NAALADL2: variants seen among roughly 807,000 people sequenced by gnomAD.
NAALADL2 encodes the protein inactive N-acetylated-alpha-linked acidic dipeptidase-like protein 2.
Under a neutral mutation model 87.2 loss-of-function variants are expected in NAALADL2, and 76 were observed. The observed-to-expected ratio is 0.87, with a 90% CI of 0.72 to 1.05. The LOEUF is 1.05. NAALADL2 is among the 50% of genes least tolerant of loss of function. The probability of loss-of-function intolerance (pLI) is 0.00; values close to 1 mark genes in which losing one functional copy is unlikely to be tolerated. For missense variants in NAALADL2, 1,089 were observed against 945.8 expected, an observed-to-expected ratio of 1.15 and a Z score of -1.99; for synonymous variants, 354 against 331.0, an observed-to-expected ratio of 1.07 and a Z score of -0.75.
Position 175,467,137 on chromosome 3 carries a change from T to G in NAALADL2, c.1486T>G (p.Trp496Gly). ...AGACCGAACTATTGTTTTCTGTTCT[T>G]GGGGAGGAACAGCTTTTGGCAATAT... Reference protein sequence around the residue: ...RPDRTIVFCSWGGTAFGNIGS... With the variant: ...RPDRTIVFCSGGGTAFGNIGS... Residue 496 changes from tryptophan (W) to glycine (G), a missense_variant, in exon 8 of 14, where the codon TGG becomes GGG. Physicochemically the swap from Trp to Gly is radical, Grantham distance 184. Coordinates refer to ENST00000454872, the MANE Select transcript of NAALADL2 (RefSeq NM_207015.3). 6.2e-7 allele frequency: 1 copy of G among 1,613,844 alleles called. No homozygotes were observed.
At chr3:174,904,871 A>C (rs1292046989) in intron 1 of NAALADL2, among the ~76,000 whole-genome samples, 1 of 151,222 alleles carries the variant, frequency 6.6e-6, no homozygotes, top group Non-Finnish European at 1.5e-5. Context: ...ATTATTAAGC[A>C]TTTTTTTTCT....
At chr3:175,465,109 G>A (rs1043040174) in intron 7 of NAALADL2, among the ~76,000 whole-genome samples, 12 of 151,830 alleles carry the variant, frequency 7.9e-5, no homozygotes, top group African/African-American at 9.7e-5. Context: ...TTAATTAGCC[G>A]GGCATGGTGG....
At chr3:174,836,779 A>G (rs1354468706) in intron 3 of NAALADL2, among the ~76,000 whole-genome samples, 1 of 151,960 alleles carries the variant, frequency 6.6e-6, no homozygotes, top group African/African-American at 2.4e-5. Context: ...TACCACAATT[A>G]AAAATTATTT....
At chr3:174,985,733 A>T (rs1745767405) in intron 1 of NAALADL2, among the ~76,000 whole-genome samples, 1 of 152,088 alleles carries the variant, frequency 6.6e-6, no homozygotes, top group Non-Finnish European at 1.5e-5. Context: ...CGGGATGGTC[A>T]CCTGAGGTCG....
intron 11 of NAALADL2, among the ~76,000 whole-genome samples, chr3:175,686,907 T>C (rs1171546461): frequency 6.6e-6 from 1 of 152,192 alleles, no homozygotes; most frequent in African/African-American, 2.4e-5. Context: ...AGTTATCTTC[T>C]ATGTTTTCTA....
intron 1 of NAALADL2, among the ~76,000 whole-genome samples, chr3:174,473,662 CT>C: frequency 6.6e-6 from 1 of 151,692 alleles, no homozygotes; most frequent in East Asian, 1.9e-4. Context: ...GTTGGAAGGT[CT>C]TTTTTTTCAT....
At chr3:174,546,931 C>T (rs1243889139) in intron 1 of NAALADL2, among the ~76,000 whole-genome samples, 1 of 152,086 alleles carries the variant, frequency 6.6e-6, no homozygotes, top group Non-Finnish European at 1.5e-5. Flanking sequence ...TCTTTGCCTT[C>T]ATGTGTAGTA....
chr3:174,692,147 A>G (rs947523961), intron 2 of NAALADL2: 1 of 152,144 alleles, frequency 6.6e-6, no homozygotes. Flanking sequence ...ACCCAGCTCA[A>G]TCAGAGGAAT....
At chr3:174,745,859 G>A (rs771681924) in intron 3 of NAALADL2, among the ~76,000 whole-genome samples, 1 of 151,892 alleles carries the variant, frequency 6.6e-6, no homozygotes, top group Non-Finnish European at 1.5e-5. Flanking sequence ...TATCTCAAAG[G>A]CCTTCAATAA....
chr3:175,780,388 C>A (rs370522372), intron 13 of NAALADL2, among the ~76,000 whole-genome samples: 20 of 151,904 alleles, frequency 1.3e-4, no homozygotes, highest in Non-Finnish European at 2.6e-4. Context: ...TATGTGTATA[C>A]GTATCACATA....
intron 1 of NAALADL2, among the ~76,000 whole-genome samples, chr3:175,008,851 T>C (rs1749404621): frequency 6.6e-6 from 1 of 152,156 alleles, no homozygotes; most frequent in South Asian, 2.1e-4. Context: ...TTATATTCCA[T>C]ACAGTGAGCA....
At chr3:174,627,906 G>A (rs1009805159) in intron 2 of NAALADL2, among the ~76,000 whole-genome samples, 2 of 152,192 alleles carry the variant, frequency 1.3e-5, no homozygotes, top group African/African-American at 2.4e-5. Context: ...CAGCCACACA[G>A]AGTGGAATAA....
intron 1 of NAALADL2, among the ~76,000 whole-genome samples, chr3:174,996,748 C>T (rs1469777780): frequency 6.6e-6 from 1 of 152,050 alleles, no homozygotes; most frequent in Admixed American, 6.6e-5. Flanking sequence ...CCAAGAAGTG[C>T]ACACTGTACC....
intron 1 of NAALADL2, among the ~76,000 whole-genome samples, chr3:174,985,716 T>C (rs1005246131): frequency 6.6e-6 from 1 of 151,868 alleles, no homozygotes; most frequent in Non-Finnish European, 1.5e-5. Context: ...ACTTTGGGAG[T>C]CTGAGGCGGG....
rs1012234085 is a variant in NAALADL2 at position 174,796,353 on chromosome 3, C to A, written c.-9+58607C>A. Among the ~76,000 whole-genome samples, 7 of 152,236 alleles carry A rather than the reference C, an allele frequency of 4.6e-5. No homozygotes were observed. In the East Asian group the frequency reaches 1.2e-3, roughly 25 times the overall value. On this transcript the variant is annotated intron_variant, in intron 3 of 3. Coordinates refer to the NAALADL2 transcript ENST00000434257. The stretch of plus-strand genomic sequence containing the variant: ...GTACATTATACCCATTAAGTAATTT[C>A]TCATCATACCACCCCTCCCAAATGC...
At chr3:174,834,344 A>C (rs1242225874) in intron 3 of NAALADL2, among the ~76,000 whole-genome samples, 2 of 146,894 alleles carry the variant, frequency 1.4e-5, no homozygotes. Flanking sequence ...CCTAGAGTAA[A>C]CATCATACCT....
chr3:174,878,910 A>C (rs73174793), intron 1 of NAALADL2, among the ~76,000 whole-genome samples: 17,817 of 152,112 alleles, frequency 0.12, 1,151 homozygotes, highest in Middle Eastern at 0.15. Context: ...CAATATGCCG[A>C]CGCCATGCAG....
At chr3:175,527,299 A>T (rs961444807) in intron 9 of NAALADL2, among the ~76,000 whole-genome samples, 2 of 152,196 alleles carry the variant, frequency 1.3e-5, no homozygotes, top group Admixed American at 1.3e-4. Context: ...TCAACACAAC[A>T]TTGTAGCTAT....
At chr3:174,913,295 T>C (rs1733942094) in intron 1 of NAALADL2, among the ~76,000 whole-genome samples, 1 of 152,294 alleles carries the variant, frequency 6.6e-6, no homozygotes, top group Admixed American at 6.5e-5. Context: ...TGTTGTCACC[T>C]GCAAGTATTC....
Sources: gnomAD v4.1 joint callset for allele counts (sites outside exome capture counted in the v4.1 genomes callset) on GRCh38, gnomAD v4.1.1 for gene constraint, MANE v1.5 for transcripts, NCBI Gene and HGNC (gene_info 2026-07-23, HGNC 2026-07-21) for gene names.